Variants in ASIP observed in about 807,000 individuals in gnomAD.
ASIP encodes agouti-signaling protein.
Under a neutral mutation model 10.3 loss-of-function variants are expected in ASIP, and 11 were observed. That is an observed-to-expected ratio of 1.07 (90% CI 0.68 to 1.78). The LOEUF is 1.78. ASIP is among the 40% of genes most tolerant of loss of function. The probability of loss-of-function intolerance (pLI) is 0.00; values close to 1 mark genes in which losing one functional copy is unlikely to be tolerated. For synonymous variants in ASIP, 70 were observed against 70.8 expected, an observed-to-expected ratio of 0.99 and a Z score of 0.06; for missense variants, 180 against 169.2, an observed-to-expected ratio of 1.06 and a Z score of -0.35.
At chr20:34,202,601 C>T (rs780145048) in intron 1 of ASIP, among the ~76,000 whole-genome samples, 1 of 151,924 alleles carries the variant, frequency 6.6e-6, no homozygotes, top group South Asian at 2.1e-4. Flanking sequence ...CTATTAATTT[C>T]CCACTTTTAT....
At position 34,259,160 on chromosome 20, in the gene ASIP, A is replaced by C. The variant is rs145820222; in HGVS notation, c.-10-1205A>C. Among the ~76,000 whole-genome samples, 373 of 151,594 alleles carry C rather than the reference A, an allele frequency of 2.5e-3. 2 individuals carry two copies. The East Asian group carries it at 0.028, about 11-fold the overall frequency. On this transcript the variant is annotated intron_variant, in intron 1 of 3. Transcript: ENST00000374954. Reference sequence around the variant, plus strand: ...GGGAGGTTGAGACTGCAGTGGCCCAAGATTGTGCCACTGCACTCCAGCCTG... The same window carrying C: ...GGGAGGTTGAGACTGCAGTGGCCCACGATTGTGCCACTGCACTCCAGCCTG...
chr20:34,248,474 C>T (rs2035417176), intron 1 of ASIP, among the ~76,000 whole-genome samples: 1 of 152,136 alleles, frequency 6.6e-6, no homozygotes, highest in African/African-American at 2.4e-5. Flanking sequence ...TTTCAGAGGT[C>T]AGATTTATTC....
intron 1 of ASIP, chr20:34,215,447 T>C (rs2035001272): frequency 1.3e-6 from 2 of 1,527,948 alleles, no homozygotes; most frequent in Middle Eastern, 1.7e-4. Flanking sequence ...TCTGAGTTGA[T>C]AGCCATGAGG....
chr20:34,243,926 G>A (rs939105559), intron 1 of ASIP, among the ~76,000 whole-genome samples: 1 of 152,126 alleles, frequency 6.6e-6, no homozygotes, highest in Non-Finnish European at 1.5e-5. Context: ...TTAACCGGGC[G>A]TGGTGGCGGG....
At chr20:34,202,940 C>G (rs1014416567) in intron 1 of ASIP, among the ~76,000 whole-genome samples, 3 of 151,048 alleles carry the variant, frequency 2.0e-5, no homozygotes, top group Non-Finnish European at 3.0e-5. Flanking sequence ...TCCCGAGTAG[C>G]TGGGACCACA....
intron 1 of ASIP, among the ~76,000 whole-genome samples, chr20:34,211,009 T>A (rs1264037730): frequency 6.6e-6 from 1 of 152,198 alleles, no homozygotes; most frequent in Non-Finnish European, 1.5e-5. Flanking sequence ...ATATGTAATT[T>A]TTCTCTTGTA....
At chr20:34,240,261 T>G (rs962807079), upstream of ASIP, among the ~76,000 whole-genome samples, 1 of 152,208 alleles carries the variant, frequency 6.6e-6, no homozygotes, top group Non-Finnish European at 1.5e-5. Context: ...TAAACTAGTC[T>G]TGGGGTTACA....
intron 1 of ASIP, among the ~76,000 whole-genome samples, chr20:34,217,069 T>C (rs957637383): frequency 1.3e-5 from 2 of 152,134 alleles, no homozygotes; most frequent in South Asian, 2.1e-4. Flanking sequence ...AAAGCTGGGC[T>C]TTAATCCTTG....
intron 1 of ASIP, chr20:34,194,794 C>T (rs888538482): frequency 6.6e-6 from 1 of 152,018 alleles, no homozygotes; most frequent in Non-Finnish European, 1.5e-5. Context: ...AAATTTCTTT[C>T]GCTTTCTGAG....
At chr20:34,235,864 G>GC (rs1568756184) in intron 1 of ASIP, among the ~76,000 whole-genome samples, 3 of 37,206 alleles carry the variant, frequency 8.1e-5, no homozygotes, top group African/African-American at 7.4e-4. Context: ...AAGGAAGGAA[G>GC]GAAAGGAAGG....
At chr20:34,207,990 C>T (rs2034948582) in intron 1 of ASIP, among the ~76,000 whole-genome samples, 1 of 151,972 alleles carries the variant, frequency 6.6e-6, no homozygotes, top group Non-Finnish European at 1.5e-5. Flanking sequence ...CGGGTTTCAC[C>T]ATGGTCTCGC....
chr20:34,203,566 C>G (rs1364132586), intron 1 of ASIP, among the ~76,000 whole-genome samples: 2 of 150,452 alleles, frequency 1.3e-5, no homozygotes, highest in Admixed American at 1.3e-4. Flanking sequence ...CGTGGCTAAT[C>G]TTTGCATTAT....
intron 2 of ASIP, among the ~76,000 whole-genome samples, chr20:34,262,261 C>A (rs2035706729): frequency 6.6e-6 from 1 of 152,182 alleles, no homozygotes. Context: ...GACAATACTG[C>A]AAGGCAGATA....
At chr20:34,213,158 C>G (rs113104174) in intron 1 of ASIP, among the ~76,000 whole-genome samples, 3 of 152,296 alleles carry the variant, frequency 2.0e-5, no homozygotes, top group South Asian at 2.1e-4. Context: ...TGGGTTCACC[C>G]TTCTTGCTCC....
chr20:34,234,111 G>A (rs776496730), intron 1 of ASIP, among the ~76,000 whole-genome samples: 3 of 152,212 alleles, frequency 2.0e-5, no homozygotes, highest in Admixed American at 2.0e-4. Flanking sequence ...AGTGGCAACT[G>A]TGGCCATCTG....
At chr20:34,188,622 G>T in the ASIP span, among the ~76,000 whole-genome samples, 5 of 151,922 alleles carry the variant, frequency 3.3e-5, no homozygotes, top group African/African-American at 9.7e-5. Context: ...TTTTTTCTAG[G>T]ATTATATTCT....
upstream of ASIP, among the ~76,000 whole-genome samples, chr20:34,192,072 G>A (rs1472592868): frequency 2.0e-5 from 3 of 149,396 alleles, no homozygotes; most frequent in Admixed American, 2.0e-4. Context: ...ATGGAGTTTC[G>A]CTCTTGTTGC....
chr20:34,236,991 C>T (rs1266566773), upstream of ASIP, among the ~76,000 whole-genome samples: 1 of 152,104 alleles, frequency 6.6e-6, no homozygotes, highest in Non-Finnish European at 1.5e-5. Context: ...ATGGCCTTGA[C>T]ACCTTTGTCA....
chr20:34,260,118 G>A (rs2035663450), intron 1 of ASIP, among the ~76,000 whole-genome samples: 1 of 151,316 alleles, frequency 6.6e-6, no homozygotes, highest in South Asian at 2.1e-4. Context: ...GCAATGCATT[G>A]CTTTTTCTCT....
Sources: gnomAD v4.1 joint callset for allele counts (sites outside exome capture counted in the v4.1 genomes callset) on GRCh38, gnomAD v4.1.1 for gene constraint, MANE v1.5 for transcripts, NCBI Gene and HGNC (gene_info 2026-07-23, HGNC 2026-07-21) for gene names.